The following SNAP91 variants were observed in gnomAD, a reference collection of about 807,000 sequenced individuals.
SNAP91 encodes the protein synaptosome associated protein 91, also known as clathrin coat assembly protein AP180.
Under a neutral mutation model 100.3 loss-of-function variants are expected in SNAP91, and 27 were observed. That is an observed-to-expected ratio of 0.27 (90% CI 0.20 to 0.37). The LOEUF (loss-of-function observed/expected upper bound fraction) is 0.37, where lower values mean the gene tolerates loss of function less well. Among genes scored for constraint, SNAP91 ranks in the 10% least tolerant of loss-of-function variants. SNAP91 has a pLI of 1.00. For missense variants in SNAP91, 986 were observed against 1,123.7 expected (o/e 0.88, Z 1.75); for synonymous variants, 404 against 398.6 (o/e 1.01, Z -0.16).
chr6:83,608,510 A>G (rs1417138097), intron 12 of SNAP91, among the ~76,000 whole-genome samples: 1 of 152,156 alleles, frequency 6.6e-6, no homozygotes, highest in Non-Finnish European at 1.5e-5. Flanking sequence ...CCATTCATTC[A>G]CAAGAGAAAG....
rs1586478391 is a variant in SNAP91, at chr6:83,665,689, C to G, written c.131-108G>C. ...TTACTAATATATGACCTTAAAAGTACTTTGATAATAGCTGATAACAAAATT... is the reference window on the plus strand; with the variant it reads ...TTACTAATATATGACCTTAAAAGTAGTTTGATAATAGCTGATAACAAAATT... On this transcript the variant is annotated intron_variant, in intron 2 of 29. Coordinates refer to ENST00000369694, the MANE Select transcript of SNAP91 (RefSeq NM_001242792.2). 5 of 905,194 alleles carry G rather than the reference C, an allele frequency of 5.5e-6. No homozygotes were observed. The South Asian group carries it at 9.7e-5, about 17-fold the overall frequency. The allele number at this position is 905,194 out of a possible 1,614,324, so 56.1% of individuals were successfully genotyped here.
intron 2 of SNAP91, among the ~76,000 whole-genome samples, chr6:83,703,650 T>G (rs2129059424): frequency 6.6e-6 from 1 of 152,300 alleles, no homozygotes; most frequent in East Asian, 1.9e-4. Flanking sequence ...AAACATAATC[T>G]TTTTCTTTTT....
At chr6:83,580,634 A>G in intron 23 of SNAP91, 35 bp from the exon 24 acceptor site, 1 of 1,544,404 alleles carries the variant, frequency 6.5e-7, no homozygotes, top group Middle Eastern at 1.7e-4. Flanking sequence ...AGAATAATTG[A>G]AAACAAAAAA....
chr6:83,653,153 G>T lies in SNAP91; in HGVS notation c.658+3601C>A, dbSNP rs1459324983. On this transcript the variant is annotated intron_variant, in intron 7 of 29. Coordinates refer to ENST00000369694, the MANE Select transcript of SNAP91 (RefSeq NM_001242792.2). ...TGACATTAATTTGGGAAAATTCTCT[G>T]TCGTTATTATTTCAAATATTTTGTC... Among the ~76,000 whole-genome samples, 8 of 151,876 alleles carry T rather than the reference G, an allele frequency of 5.3e-5. No homozygotes were observed. In the East Asian group the frequency reaches 1.5e-3, roughly 29 times the overall value.
At chr6:83,658,854 C>T (rs761485923) in intron 6 of SNAP91, 145 bp downstream of exon 6, 9 of 637,068 alleles carry the variant, frequency 1.4e-5, no homozygotes, top group African/African-American at 7.4e-5. Flanking sequence ...TAATCTTTAC[C>T]GAGCTTAACA....
At chr6:83,601,826 T>G (rs1244608319) in intron 14 of SNAP91, among the ~76,000 whole-genome samples, 4 of 152,222 alleles carry the variant, frequency 2.6e-5, no homozygotes, top group African/African-American at 4.8e-5. Flanking sequence ...CCTTTAGACA[T>G]GTACTTCAGA....
Position 83,592,440 on chromosome 6 carries a change from A to G in SNAP91, c.1930+15T>C, listed in dbSNP as rs377094843. On this transcript the variant is annotated intron_variant, in intron 21 of 29. Coordinates refer to ENST00000369694, the MANE Select transcript of SNAP91 (RefSeq NM_001242792.2). The stretch of plus-strand genomic sequence containing the variant: ...AAAAAGATTCCTTAAGTGTTGATGG[A>G]GGAGAAATACGCACCCCCAAAAAGG... 6.3e-6 allele frequency: 10 copies of G among 1,578,588 alleles called. No homozygotes were observed. The African/African-American group carries it at 1.3e-4, about 21-fold the overall frequency.
At chr6:83,589,974 C>G (rs1476791144) in intron 22 of SNAP91, among the ~76,000 whole-genome samples, 1 of 152,180 alleles carries the variant, frequency 6.6e-6, no homozygotes, top group Non-Finnish European at 1.5e-5. Context: ...TATGCTTTAT[C>G]AAGGTCTACA....
intron 27 of SNAP91, among the ~76,000 whole-genome samples, chr6:83,560,660 T>G (rs990779554): frequency 2.6e-5 from 4 of 152,200 alleles, no homozygotes; most frequent in Admixed American, 6.5e-5. Context: ...AGAAATTAAT[T>G]TGATGGTAGA....
At chr6:83,599,787 T>C (rs1316987130) in intron 16 of SNAP91, among the ~76,000 whole-genome samples, 1 of 152,152 alleles carries the variant, frequency 6.6e-6, no homozygotes, top group African/African-American at 2.4e-5. Context: ...TGGCTCTTTT[T>C]AATTTAATTT....
At chr6:83,627,116 A>G (rs769324149) in intron 8 of SNAP91, among the ~76,000 whole-genome samples, 4 of 151,664 alleles carry the variant, frequency 2.6e-5, no homozygotes, top group Admixed American at 6.6e-5. Context: ...AGATAATTAC[A>G]TGGTTTTTAA....
chr6:83,567,601 T>C (rs935307459), intron 26 of SNAP91, among the ~76,000 whole-genome samples: 2 of 152,092 alleles, frequency 1.3e-5, no homozygotes, highest in African/African-American at 4.8e-5. Flanking sequence ...GATCTACTCA[T>C]CTGACAAAGG....
intron 2 of SNAP91, among the ~76,000 whole-genome samples, chr6:83,679,910 T>A (rs1447281031): frequency 6.6e-6 from 1 of 152,156 alleles, no homozygotes; most frequent in Admixed American, 6.6e-5. Context: ...ATACTACTCA[T>A]GTCCACTTAC....
intron 24 of SNAP91, among the ~76,000 whole-genome samples, chr6:83,576,286 A>G (rs1478076855): frequency 1.3e-5 from 2 of 152,212 alleles, no homozygotes; most frequent in African/African-American, 4.8e-5. Flanking sequence ...ACTGGTGTCC[A>G]GAAAAGAGCA....
intron 2 of SNAP91, among the ~76,000 whole-genome samples, chr6:83,691,018 G>C (rs752245692): frequency 2.6e-5 from 4 of 151,998 alleles, no homozygotes; most frequent in Admixed American, 6.5e-5. Context: ...AGTCAAGGTA[G>C]ACATTTGCCC....
At chr6:83,621,614 A>G (rs148861348) in intron 9 of SNAP91, among the ~76,000 whole-genome samples, 15 of 152,294 alleles carry the variant, frequency 9.8e-5, no homozygotes, top group African/African-American at 3.6e-4. Flanking sequence ...TAAAAATTTA[A>G]TCCAAGTATA....
chr6:83,642,821 T>G (rs2097765274), intron 7 of SNAP91, among the ~76,000 whole-genome samples: 1 of 152,178 alleles, frequency 6.6e-6, no homozygotes. Flanking sequence ...GTAAAAGTGT[T>G]CCTATTTCTC....
In SNAP91 at chr6:83,605,708, G is replaced by A. The variant is rs2095567553; in HGVS notation, c.1118C>T (p.Ala373Val). 2 of 1,552,268 alleles carry A rather than the reference G, an allele frequency of 1.3e-6. No homozygotes were observed. Among genetic ancestry groups the A allele is most frequent in the Non-Finnish European group, 1.7e-6 (2 of 1,147,342 alleles). ...ACCTCCCCATGCAGTGGCTCCTCCA[G>A]CAGGTGGTGGTGGTGCTGGTGCTGC... is the stretch of plus-strand genomic sequence containing the variant. ...AAAAPAPPPPAGGATAWGDLL... is the reference protein window; with the variant it reads ...AAAAPAPPPPVGGATAWGDLL... The change falls in exon 14 of 30, where the codon GCT (alanine) becomes GTT (valine). Residue 373 changes from alanine (A) to valine (V), a missense_variant. Ala to Val is a moderately conservative substitution (Grantham distance 64, BLOSUM62 0). Coordinates refer to ENST00000369694, the MANE Select transcript of SNAP91 (RefSeq NM_001242792.2).
chr6:83,648,841 T>C (rs952543793), intron 7 of SNAP91, among the ~76,000 whole-genome samples: 1 of 152,196 alleles, frequency 6.6e-6, no homozygotes, highest in African/African-American at 2.4e-5. Context: ...TTGTTCTTGA[T>C]AGGCATCCCT....
Sources: gnomAD v4.1 joint callset for allele counts (sites outside exome capture counted in the v4.1 genomes callset) on GRCh38, gnomAD v4.1.1 for gene constraint, MANE v1.5 for transcripts, NCBI Gene and HGNC (gene_info 2026-07-23, HGNC 2026-07-21) for gene names.